GLDN: variants seen among roughly 807,000 people sequenced by gnomAD.
GLDN encodes the protein gliomedin.
In GLDN, 47 loss-of-function variants were observed where a neutral mutation model predicts 56.5. The ratio of observed to expected loss-of-function variants is 0.83; its 90% CI spans 0.66 to 1.06. GLDN has a LOEUF of 1.06. GLDN is among the 50% of genes least tolerant of loss of function. The pLI is 0.00. For synonymous variants in GLDN, 332 were observed against 278.8 expected, an observed-to-expected ratio of 1.19 and a Z score of -1.90; for missense variants, 782 against 714.3, an observed-to-expected ratio of 1.09 and a Z score of -1.08.
intron 2 of GLDN, among the ~76,000 whole-genome samples, chr15:51,382,727 A>G (rs1157973973): frequency 7.7e-6 from 1 of 130,210 alleles, no homozygotes; most frequent in Non-Finnish European, 1.5e-5. Context: ...CTCTGTCTCC[A>G]AAAAAAAAAA....
In GLDN at chr15:51,341,842, C is replaced by A. The variant is rs977189980; in HGVS notation, c.158C>A (p.Ala53Glu). The stretch of plus-strand genomic sequence containing the variant: ...AGCTCGGCGCTGCGGGCTTTGGAGG[C>A]GCAGCGGGGCCGGGAGCAGCGCGAG... ...GLSSALRALE[A>E]QRGREQREDS... Residue 53 changes from alanine to glutamate, a missense_variant, in exon 1 of 10, where the codon GCG becomes GAG. By Grantham distance (107) the Ala-to-Glu change is moderately radical (BLOSUM62 -1). Transcript: ENST00000335449. 2.6e-6 allele frequency: 4 copies of A among 1,520,714 alleles called. No individual in the cohort carries two copies. The African/African-American group carries it at 5.7e-5, about 22-fold the overall frequency. The allele number at this position is 1,520,714 out of a possible 1,614,324, so 94.2% of individuals were successfully genotyped here. A position where few individuals can be genotyped will look rare whatever the true frequency, so the allele number is the denominator to read the frequency against.
intron 1 of GLDN, among the ~76,000 whole-genome samples, chr15:51,358,285 G>T (rs1428835663): frequency 1.3e-5 from 2 of 152,166 alleles, no homozygotes; most frequent in Admixed American, 1.3e-4. Context: ...CCTCCAATTT[G>T]CCAGTGCCTA....
intron 1 of GLDN, chr15:51,369,214 A>G (rs2141075515): frequency 6.6e-6 from 1 of 152,368 alleles, no homozygotes; most frequent in East Asian, 1.9e-4. Context: ...AGTCCAAGCA[A>G]TCTCAGCCAA....
intron 1 of GLDN, among the ~76,000 whole-genome samples, chr15:51,370,508 C>T (rs576548101): frequency 7.2e-5 from 11 of 152,050 alleles, no homozygotes; most frequent in Non-Finnish European, 1.0e-4. Flanking sequence ...GTTCATTTGC[C>T]TAGAAACAAC....
intron 2 of GLDN, among the ~76,000 whole-genome samples, chr15:51,378,552 C>T (rs1332731941): frequency 6.6e-6 from 1 of 152,032 alleles, no homozygotes; most frequent in African/African-American, 2.4e-5. Flanking sequence ...GACCTGAGAG[C>T]CAGGCTGTAC....
intron 1 of GLDN, among the ~76,000 whole-genome samples, chr15:51,349,910 T>A (rs913836607): frequency 1.3e-5 from 2 of 152,018 alleles, no homozygotes; most frequent in African/African-American, 4.8e-5. Context: ...CAGCTAATTT[T>A]TTGTGTGTGT....
rs762013122 is a variant in GLDN, at chr15:51,342,002, C to T, written c.318C>T (p.Ala106=). ...GCGAGCCCGCGCCGCATATCCGCGC[C>T]GAGAGCCATGACATGCTGATGATGA... ...HSGEPAPHIR[A]ESHDMLMMMT... The change falls in exon 1 of 10, where the codon GCC becomes GCT. Residue 106 remains alanine (A), a synonymous_variant. Coordinates refer to ENST00000335449, the MANE Select transcript of GLDN (RefSeq NM_181789.4). 6.3e-7 allele frequency: 1 copy of T among 1,597,768 alleles called. No individual in the cohort carries two copies. Among genetic ancestry groups the T allele is most frequent in the Non-Finnish European group, 8.5e-7 (1 of 1,179,424 alleles).
At chr15:51,399,222 C>T (rs1423898939) in intron 6 of GLDN, among the ~76,000 whole-genome samples, 1 of 152,198 alleles carries the variant, frequency 6.6e-6, no homozygotes, top group Non-Finnish European at 1.5e-5. Context: ...CAGGGAAACA[C>T]AGGCTTATCC....
chr15:51,386,202 G>A (rs553363220), intron 4 of GLDN, among the ~76,000 whole-genome samples: 2 of 152,282 alleles, frequency 1.3e-5, no homozygotes, highest in Non-Finnish European at 2.9e-5. Context: ...AGACCGCGAA[G>A]CCTCCACTCA....
rs74671719 is a variant in GLDN, at chr15:51,393,455, C to A, written c.542-1380C>A. The stretch of plus-strand genomic sequence containing the variant: ...CCCATGGTGGCCGTGGGAATGAGGA[C>A]TTTTTCCTGTGTGAGCCCTGATAAT... On this transcript the variant is annotated intron_variant, in intron 4 of 9. Coordinates refer to ENST00000335449, the MANE Select transcript of GLDN (RefSeq NM_181789.4). Among the ~76,000 whole-genome samples, 512 of 152,302 alleles carry A rather than the reference C, an allele frequency of 3.4e-3. 17 individuals are homozygous for A. In the East Asian group the frequency reaches 0.063, roughly 19 times the overall value.
chr15:51,397,361 C>T (rs891015676), intron 5 of GLDN, 109 bp from the exon 6 acceptor site: 1 of 148,920 alleles, frequency 6.7e-6, no homozygotes. Flanking sequence ...CCTCCCCTTT[C>T]CTTCCCTCTC....
At chr15:51,361,617 C>A (rs2037301416) in intron 1 of GLDN, among the ~76,000 whole-genome samples, 1 of 152,164 alleles carries the variant, frequency 6.6e-6, no homozygotes, top group East Asian at 1.9e-4. Flanking sequence ...CCTATTATAT[C>A]CAAGGCACTA....
chr15:51,350,639 A>T (rs1424826366), intron 1 of GLDN, among the ~76,000 whole-genome samples: 3 of 152,166 alleles, frequency 2.0e-5, no homozygotes, highest in Non-Finnish European at 4.4e-5. Context: ...GGTGTTGGTG[A>T]TGGGAACACA....
intron 1 of GLDN, among the ~76,000 whole-genome samples, chr15:51,363,727 G>A (rs2037348698): frequency 6.6e-6 from 1 of 152,226 alleles, no homozygotes. Flanking sequence ...CAGCATACCA[G>A]TCAAATCTTG....
chr15:51,380,332 G>C (rs929386740), intron 2 of GLDN, among the ~76,000 whole-genome samples: 6 of 152,212 alleles, frequency 3.9e-5, no homozygotes, highest in African/African-American at 7.2e-5. Flanking sequence ...CAGGACACCA[G>C]CCCTGCATGC....
rs992132331 is a variant in GLDN at position 51,405,556 on chromosome 15, A to G, written c.*802A>G. 3.3e-5 allele frequency: 5 copies of G among 152,082 alleles called. No individual in the cohort carries two copies. The highest frequency in any genetic ancestry group is 1.2e-4 in the African/African-American group (5 of 41,418). 9.4% of individuals were successfully genotyped at this position (152,082 alleles called of 1,614,324 possible). A position where few individuals can be genotyped will look rare whatever the true frequency, so the allele number is the denominator to read the frequency against. ...ATGTGTGCCTGGCCCAGGTTTCTTA[A>G]TAAAACAGAATCATGATCTTCCAGG... On this transcript the variant is annotated 3_prime_UTR_variant, in exon 10 of 10. Transcript: ENST00000335449.
At chr15:51,395,022 G>A (rs369824804) in intron 5 of GLDN, 41 bp downstream of exon 5, 186 of 1,510,114 alleles carry the variant, frequency 1.2e-4, no homozygotes, top group Admixed American at 2.0e-4. Context: ...GGGCTTGTGC[G>A]CCCAGAGAAC....
chr15:51,346,782 G>A (rs1003505288), intron 1 of GLDN, among the ~76,000 whole-genome samples: 1 of 152,106 alleles, frequency 6.6e-6, no homozygotes, highest in African/African-American at 2.4e-5. Context: ...AACAAACTAG[G>A]AGGCCGGGTG....
intron 1 of GLDN, among the ~76,000 whole-genome samples, chr15:51,351,817 C>T (rs892973268): frequency 6.6e-6 from 1 of 152,168 alleles, no homozygotes; most frequent in Non-Finnish European, 1.5e-5. Flanking sequence ...GGATTCATAT[C>T]CTGGACCCAC....
Sources: gnomAD v4.1 joint callset for allele counts (sites outside exome capture counted in the v4.1 genomes callset) on GRCh38, gnomAD v4.1.1 for gene constraint, MANE v1.5 for transcripts, NCBI Gene and HGNC (gene_info 2026-07-23, HGNC 2026-07-21) for gene names.